Variants in NOX4 observed in about 807,000 individuals in gnomAD.
NOX4 encodes NADPH oxidase 4, also known as kidney oxidase-1.
NOX4 carries 69 observed loss-of-function variants against 87.6 expected under a neutral mutation model. The ratio of observed to expected loss-of-function variants is 0.79; its 90% CI spans 0.65 to 0.96. NOX4 has a LOEUF of 0.96. NOX4 is among the 40% of genes least tolerant of loss of function. NOX4 has a pLI of 0.00. For missense variants in NOX4, 680 were observed against 681.5 expected (o/e 1.00, Z 0.02); for synonymous variants, 275 against 238.2 (o/e 1.15, Z -1.42).
At chr11:89,579,858 A>G in the NOX4 span, among the ~76,000 whole-genome samples, 1 of 152,116 alleles carries the variant, frequency 6.6e-6, no homozygotes, top group Non-Finnish European at 1.5e-5. Flanking sequence ...TTATGAGTAT[A>G]CACCTATAGA....
At chr11:89,506,661 A>G in the NOX4 span, among the ~76,000 whole-genome samples, 4 of 151,876 alleles carry the variant, frequency 2.6e-5, no homozygotes, top group Non-Finnish European at 5.9e-5. Context: ...ACAGACATGA[A>G]TAAAATATCT....
the NOX4 span, among the ~76,000 whole-genome samples, chr11:89,538,524 T>C: frequency 1.3e-5 from 2 of 152,198 alleles, no homozygotes; most frequent in African/African-American, 4.8e-5. Context: ...TCACTTTTCA[T>C]ACATGCCCAG....
At chr11:89,540,616 T>C in the NOX4 span, among the ~76,000 whole-genome samples, 2 of 150,716 alleles carry the variant, frequency 1.3e-5, no homozygotes, top group African/African-American at 4.9e-5. Flanking sequence ...TGAAATCCCG[T>C]CTCTACTAAA....
chr11:89,388,426 G>T (rs1053586149), intron 11 of NOX4, among the ~76,000 whole-genome samples: 10 of 152,108 alleles, frequency 6.6e-5, no homozygotes, highest in Middle Eastern at 3.4e-3. Flanking sequence ...GTCAGTTGGG[G>T]GTTACAAAGA....
the NOX4 span, among the ~76,000 whole-genome samples, chr11:89,515,560 G>A: frequency 1.3e-5 from 2 of 150,598 alleles, no homozygotes; most frequent in African/African-American, 4.9e-5. Flanking sequence ...TTAAAAGAGT[G>A]TAATGTTTGT....
chr11:89,397,558 T>G (rs1941572468), intron 11 of NOX4, among the ~76,000 whole-genome samples: 1 of 151,704 alleles, frequency 6.6e-6, no homozygotes, highest in Non-Finnish European at 1.5e-5. Context: ...TCAACAAAAT[T>G]GATAGACTGC....
rs572448230 is a variant in NOX4 at position 89,427,059 on chromosome 11, T to C, written c.549-5077A>G. Among the ~76,000 whole-genome samples the C allele has an allele frequency of 1.1e-4, 16 of 152,276 alleles. No homozygotes were observed. In the South Asian group the frequency reaches 3.3e-3, roughly 32 times the overall value. On this transcript the variant is annotated intron_variant, in intron 7 of 17. Transcript: ENST00000263317. ...AATGATCAGGCAGCAACATTTGCTA[T>C]TCAGCAATATTCACTGTTCTGCAGC...
chr11:89,575,252 G>C, the NOX4 span, among the ~76,000 whole-genome samples: 861 of 130,488 alleles, frequency 6.6e-3, 7 homozygotes, highest in African/African-American at 0.023. Flanking sequence ...TGCCTATTAA[G>C]AAATGGAGGT....
chr11:89,450,372 TA>T (rs775092230), intron 3 of NOX4, among the ~76,000 whole-genome samples: 1 of 152,174 alleles, frequency 6.6e-6, no homozygotes, highest in Non-Finnish European at 1.5e-5. Flanking sequence ...CAACTCCTTT[TA>T]AAATATCAAT....
chr11:89,541,719 A>G, the NOX4 span, among the ~76,000 whole-genome samples: 4 of 152,222 alleles, frequency 2.6e-5, no homozygotes, highest in Non-Finnish European at 5.9e-5. Flanking sequence ...AGTTTTCACT[A>G]TAAAATAAAA....
intron 7 of NOX4, among the ~76,000 whole-genome samples, chr11:89,431,793 C>A (rs895527048): frequency 6.6e-6 from 1 of 152,122 alleles, no homozygotes; most frequent in African/African-American, 2.4e-5. Context: ...GACAGTGTGG[C>A]GATTCCTCAG....
intron 11 of NOX4, among the ~76,000 whole-genome samples, chr11:89,374,826 T>C (rs317166): frequency 0.6 from 90,544 of 152,030 alleles, 29,630 homozygotes; most frequent in African/African-American, 0.87. Flanking sequence ...TGAAAGAAAA[T>C]GGCAGTGGAA....
At chr11:89,426,378 G>A (rs1197593957) in intron 7 of NOX4, among the ~76,000 whole-genome samples, 1 of 151,952 alleles carries the variant, frequency 6.6e-6, no homozygotes, top group African/African-American at 2.4e-5. Context: ...AGTGGGTACA[G>A]GACAGTGGGT....
intron 6 of NOX4, among the ~76,000 whole-genome samples, chr11:89,438,790 GTGTATAATATATTATATATTATATATAT>G (rs1944255253): frequency 2.0e-4 from 1 of 5,042 alleles, no homozygotes; most frequent in Non-Finnish European, 3.4e-4. Context: ...ATAATATATA[GTGTATAATATATTATATATTATATATAT>G]TATATAATAT....
At chr11:89,503,104 A>T (rs901098620), upstream of NOX4, among the ~76,000 whole-genome samples, 1 of 152,024 alleles carries the variant, frequency 6.6e-6, no homozygotes, top group Admixed American at 6.6e-5. Flanking sequence ...TTGGAAGAAC[A>T]ACAGTAGAGT....
chr11:89,522,620 C>T, the NOX4 span, among the ~76,000 whole-genome samples: 1 of 152,100 alleles, frequency 6.6e-6, no homozygotes, highest in Non-Finnish European at 1.5e-5. Context: ...CATACCTGCA[C>T]ATATATCCCC....
At chr11:89,500,598 G>A (rs1465628397), upstream of NOX4, among the ~76,000 whole-genome samples, 2 of 152,130 alleles carry the variant, frequency 1.3e-5, no homozygotes, top group Non-Finnish European at 2.9e-5. Flanking sequence ...GAGCAGAAGA[G>A]ATGTGTATGT....
intron 1 of NOX4, 134 bp downstream of exon 1, chr11:89,491,056 G>C: frequency 1.1e-6 from 1 of 879,512 alleles, no homozygotes; most frequent in Non-Finnish European, 1.8e-6. Flanking sequence ...CCAGCATAAA[G>C]TTTTGTAAGT....
chr11:89,393,268 G>C (rs1941248943), intron 11 of NOX4, among the ~76,000 whole-genome samples: 1 of 152,058 alleles, frequency 6.6e-6, no homozygotes, highest in African/African-American at 2.4e-5. Flanking sequence ...GATCCAATAT[G>C]TCAATACTGC....
Sources: gnomAD v4.1 joint callset for allele counts (sites outside exome capture counted in the v4.1 genomes callset) on GRCh38, gnomAD v4.1.1 for gene constraint, MANE v1.5 for transcripts, NCBI Gene and HGNC (gene_info 2026-07-23, HGNC 2026-07-21) for gene names.